SLC24A3: variants seen among roughly 807,000 people sequenced by gnomAD.
SLC24A3 encodes sodium/potassium/calcium exchanger 3.
In SLC24A3, 28 loss-of-function variants were observed where a neutral mutation model predicts 75.8. The ratio of observed to expected loss-of-function variants is 0.37; its 90% CI spans 0.27 to 0.51. The LOEUF is 0.51. Ranked by LOEUF, SLC24A3 falls within the 20% of genes least tolerant of loss-of-function variation. SLC24A3 has a pLI of 0.94. For synonymous variants in SLC24A3, 372 were observed against 334.1 expected, an observed-to-expected ratio of 1.11 and a Z score of -1.24; for missense variants, 663 against 847.8, an observed-to-expected ratio of 0.78 and a Z score of 2.71.
intron 2 of SLC24A3, among the ~76,000 whole-genome samples, chr20:19,369,078 A>G (rs1257337758): frequency 6.6e-6 from 1 of 152,226 alleles, no homozygotes; most frequent in Non-Finnish European, 1.5e-5. Flanking sequence ...CTAAACTAAC[A>G]CTAAAACTAG....
At chr20:19,577,961 T>C (rs1037935441) in intron 3 of SLC24A3, among the ~76,000 whole-genome samples, 1 of 152,216 alleles carries the variant, frequency 6.6e-6, no homozygotes, top group Non-Finnish European at 1.5e-5. Flanking sequence ...CAGGATCTAG[T>C]GTTAAAGTAT....
chr20:19,483,937 A>C (rs1988093506), intron 2 of SLC24A3, among the ~76,000 whole-genome samples: 1 of 152,222 alleles, frequency 6.6e-6, no homozygotes, highest in African/African-American at 2.4e-5. Context: ...GGAAATAAAA[A>C]AATCCAAATA....
At chr20:19,594,743 TATAGTGGG>T (rs1012216031) in intron 6 of SLC24A3, among the ~76,000 whole-genome samples, 8 of 152,066 alleles carry the variant, frequency 5.3e-5, no homozygotes, top group South Asian at 2.1e-4. Context: ...AAGATATTAA[TATAGTGGG>T]ATAGTGGGAT....
In SLC24A3 at chr20:19,543,822, C is replaced by T. The variant is rs191926307; in HGVS notation, c.348+28258C>T. Among the ~76,000 whole-genome samples the T allele has an allele frequency of 3.0e-4, 46 of 152,314 alleles. 1 individual carries two copies. The highest frequency in any genetic ancestry group is 2.2e-3 in the Admixed American group (34 of 15,302). On this transcript the variant is annotated intron_variant, in intron 3 of 16. Coordinates refer to ENST00000328041, the MANE Select transcript of SLC24A3 (RefSeq NM_020689.4). The stretch of plus-strand genomic sequence containing the variant: ...ATAGCAAAACTCTGAACACAAGAAT[C>T]CAGTCCTGCCTCGGGTACAATTTAT...
At chr20:19,685,508 G>C (rs551061845) in intron 12 of SLC24A3, 147 bp downstream of exon 12, 2 of 1,332,144 alleles carry the variant, frequency 1.5e-6, no homozygotes, top group South Asian at 3.0e-5. Context: ...CCTTTGGGCA[G>C]GACTTTGTTG....
At chr20:19,266,223 C>T (rs1983161691) in intron 1 of SLC24A3, among the ~76,000 whole-genome samples, 1 of 152,166 alleles carries the variant, frequency 6.6e-6, no homozygotes, top group African/African-American at 2.4e-5. Flanking sequence ...TAGATAACTG[C>T]AATGTAATAA....
Position 19,368,482 on chromosome 20 carries a change from C to T in SLC24A3, c.271+87395C>T, listed in dbSNP as rs187092866. Among the ~76,000 whole-genome samples the T allele has an allele frequency of 1.3e-4, 20 of 152,348 alleles. No individual in the cohort carries two copies. The East Asian group carries it at 3.5e-3, about 26-fold the overall frequency. ...CATCTCCACCAGCAGCACTGACCAG[C>T]TTGGCTTGGCTTCAGAGTCTGGTGT... is the stretch of plus-strand genomic sequence containing the variant. On this transcript the variant is annotated intron_variant, in intron 2 of 16. Coordinates refer to ENST00000328041, the MANE Select transcript of SLC24A3 (RefSeq NM_020689.4).
At chr20:19,534,633 A>G (rs1442522168) in intron 3 of SLC24A3, among the ~76,000 whole-genome samples, 1 of 152,114 alleles carries the variant, frequency 6.6e-6, no homozygotes, top group Non-Finnish European at 1.5e-5. Flanking sequence ...GGCTGGTCTC[A>G]AGCTCCTGAC....
rs548811087 is a variant in SLC24A3, at chr20:19,479,397, C to T, written c.272-36091C>T. 7.2e-5 allele frequency among the ~76,000 whole-genome samples: 11 copies of T among 152,318 alleles called. No homozygotes were observed. The South Asian group carries it at 1.7e-3, about 23-fold the overall frequency. On this transcript the variant is annotated intron_variant, in intron 2 of 16. Coordinates refer to ENST00000328041, the MANE Select transcript of SLC24A3 (RefSeq NM_020689.4). Reference sequence around the variant, plus strand: ...CTCTAGACTGGCTTTCCTGACATCTCCTTGAAGTGTTTCATACAGATCTTC... The same window carrying T: ...CTCTAGACTGGCTTTCCTGACATCTTCTTGAAGTGTTTCATACAGATCTTC...
chr20:19,701,296 G>A (rs1453914918), intron 15 of SLC24A3, among the ~76,000 whole-genome samples: 3 of 152,094 alleles, frequency 2.0e-5, no homozygotes, highest in Admixed American at 6.5e-5. Context: ...TTCAGGTCCA[G>A]GCTGAGACAC....
At chr20:19,275,878 T>A (rs1213838065) in intron 1 of SLC24A3, among the ~76,000 whole-genome samples, 1 of 152,136 alleles carries the variant, frequency 6.6e-6, no homozygotes, top group Non-Finnish European at 1.5e-5. Flanking sequence ...ACCCGTGACA[T>A]GTGACATGTG....
At chr20:19,293,384 G>A (rs953439967) in intron 2 of SLC24A3, among the ~76,000 whole-genome samples, 2 of 152,068 alleles carry the variant, frequency 1.3e-5, no homozygotes, top group African/African-American at 4.8e-5. Flanking sequence ...GGCTGGGCAT[G>A]GTGGCTCATG....
At chr20:19,527,090 C>T (rs2030212396) in intron 3 of SLC24A3, among the ~76,000 whole-genome samples, 1 of 152,072 alleles carries the variant, frequency 6.6e-6, no homozygotes, top group East Asian at 1.9e-4. Flanking sequence ...AACCTTTGGT[C>T]TCCCTGAAAT....
At chr20:19,465,338 AGAAACTTCCCATTTG>A (rs1430478997) in intron 2 of SLC24A3, among the ~76,000 whole-genome samples, 1 of 151,794 alleles carries the variant, frequency 6.6e-6, no homozygotes, top group Non-Finnish European at 1.5e-5. Flanking sequence ...GTCCTCTCAG[AGAAACTTCCCATTTG>A]GAAGAGTTAC....
At chr20:19,580,495 G>A (rs931473109) in intron 4 of SLC24A3, among the ~76,000 whole-genome samples, 2 of 151,730 alleles carry the variant, frequency 1.3e-5, no homozygotes, top group Admixed American at 6.6e-5. Context: ...ACCTCCAACC[G>A]CATACCTCTG....
At chr20:19,669,025 G>A (rs148314172) in intron 8 of SLC24A3, among the ~76,000 whole-genome samples, 217 of 152,288 alleles carry the variant, frequency 1.4e-3, no homozygotes, top group African/African-American at 5.1e-3. Flanking sequence ...AGATTAGAAT[G>A]ACCACTTTAG....
chr20:19,257,500 T>C (rs905149129), intron 1 of SLC24A3: 4 of 152,184 alleles, frequency 2.6e-5, no homozygotes, highest in Non-Finnish European at 4.4e-5. Context: ...CCCAAAAGGC[T>C]CAATGTCAAA....
At chr20:19,619,941 C>T (rs75333510) in intron 6 of SLC24A3, among the ~76,000 whole-genome samples, 11,827 of 152,098 alleles carry the variant, frequency 0.078, 625 homozygotes, top group Non-Finnish European at 0.1. Flanking sequence ...TTGGGGGATA[C>T]CTATGGTTTT....
intron 7 of SLC24A3, among the ~76,000 whole-genome samples, chr20:19,656,903 T>C (rs1023152625): frequency 3.3e-5 from 5 of 152,358 alleles, no homozygotes; most frequent in Admixed American, 1.3e-4. Flanking sequence ...ATAAAATGAA[T>C]GTAATTGTTG....
Sources: gnomAD v4.1 joint callset for allele counts (sites outside exome capture counted in the v4.1 genomes callset) on GRCh38, gnomAD v4.1.1 for gene constraint, MANE v1.5 for transcripts, NCBI Gene and HGNC (gene_info 2026-07-23, HGNC 2026-07-21) for gene names.